The following PHF20 variants were observed in gnomAD, a reference collection of about 807,000 sequenced individuals.
PHF20 encodes the protein glioma-expressed antigen 2.
Under a neutral mutation model 113.5 loss-of-function variants are expected in PHF20, and 23 were observed. That is an observed-to-expected ratio of 0.20 (90% confidence interval 0.15 to 0.29). The LOEUF is 0.29. PHF20 is among the 10% of genes least tolerant of loss of function. The pLI is 1.00. For missense variants in PHF20, 943 were observed against 1,219.6 expected (o/e 0.77, Z 3.38); for synonymous variants, 434 against 457.3 (o/e 0.95, Z 0.65).
chr20:35,815,919 C>T (rs2042065324), intron 2 of PHF20, among the ~76,000 whole-genome samples: 1 of 152,146 alleles, frequency 6.6e-6, no homozygotes, highest in African/African-American at 2.4e-5. Flanking sequence ...TATATTCCCC[C>T]TCCAGCTTTA....
intron 6 of PHF20, among the ~76,000 whole-genome samples, chr20:35,868,907 A>G (rs777956984): frequency 9.2e-5 from 14 of 152,084 alleles, no homozygotes; most frequent in Non-Finnish European, 1.6e-4. Flanking sequence ...CCTGACCAAC[A>G]TGGGGAAACC....
intron 17 of PHF20, among the ~76,000 whole-genome samples, chr20:35,942,872 G>A (rs1277193683): frequency 1.3e-5 from 2 of 151,688 alleles, no homozygotes; most frequent in African/African-American, 4.8e-5. Flanking sequence ...TGCCCGGGCT[G>A]GAGTGCAGTG....
chr20:35,807,406 G>T (rs1286801344), intron 2 of PHF20, among the ~76,000 whole-genome samples: 1 of 139,298 alleles, frequency 7.2e-6, no homozygotes, highest in African/African-American at 2.7e-5. Flanking sequence ...AGGCTAAAGT[G>T]CAGTAGAGCG....
intron 2 of PHF20, 179 bp downstream of exon 2, chr20:35,801,784 C>G: frequency 1.9e-6 from 1 of 527,494 alleles, no homozygotes; most frequent in Non-Finnish European, 3.4e-6. Context: ...GGTGACTGTC[C>G]TGTAACCCCC....
At chr20:35,932,975 C>T (rs866365907) in intron 15 of PHF20, among the ~76,000 whole-genome samples, 1 of 152,162 alleles carries the variant, frequency 6.6e-6, no homozygotes, top group Non-Finnish European at 1.5e-5. Flanking sequence ...GCTTATTTCA[C>T]TTAGCATAGT....
intron 9 of PHF20, among the ~76,000 whole-genome samples, chr20:35,883,682 T>G (rs1411682834): frequency 6.6e-6 from 1 of 152,204 alleles, no homozygotes; most frequent in Admixed American, 6.5e-5. Context: ...GCTCAACCGA[T>G]CCACTTGCCT....
chr20:35,801,371 A>G (rs2041777960), intron 1 of PHF20, 120 bp from the exon 2 acceptor site: 2 of 567,546 alleles, frequency 3.5e-6, no homozygotes, highest in Non-Finnish European at 6.4e-6. Context: ...TGAGGACACC[A>G]ACAGGGTTTC....
At chr20:35,778,911 G>T (rs1034326461) in intron 1 of PHF20, among the ~76,000 whole-genome samples, 13 of 152,148 alleles carry the variant, frequency 8.5e-5, no homozygotes, top group African/African-American at 3.1e-4. Flanking sequence ...AGCCTAATAT[G>T]AGTGACTAAA....
chr20:35,933,393 T>C (rs2055801238), intron 15 of PHF20, among the ~76,000 whole-genome samples: 1 of 149,668 alleles, frequency 6.7e-6, no homozygotes, highest in Admixed American at 6.6e-5. Context: ...CCACCACACC[T>C]GGATAATTTT....
chr20:35,799,822 C>T (rs1397259224), intron 1 of PHF20, among the ~76,000 whole-genome samples: 3 of 152,164 alleles, frequency 2.0e-5, no homozygotes, highest in South Asian at 2.1e-4. Flanking sequence ...CGCCTGCCGC[C>T]GCGCCCCACT....
chr20:35,924,188 T>TTTTC (rs1164431346), intron 13 of PHF20, among the ~76,000 whole-genome samples: 11 of 151,324 alleles, frequency 7.3e-5, no homozygotes, highest in Non-Finnish European at 1.5e-4. Context: ...TTTTCTTTTC[T>TTTTC]TTTCTTTTTT....
chr20:35,805,666 G>A (rs549711188), intron 2 of PHF20, among the ~76,000 whole-genome samples: 90 of 151,820 alleles, frequency 5.9e-4, no homozygotes, highest in African/African-American at 2.0e-3. Flanking sequence ...TTTTAGTAGA[G>A]ATGAGGTCTC....
chr20:35,817,358 T>C (rs1358087610), intron 2 of PHF20, among the ~76,000 whole-genome samples: 1 of 152,092 alleles, frequency 6.6e-6, no homozygotes, highest in Non-Finnish European at 1.5e-5. Context: ...AGCTAATTTT[T>C]GTATTTTTAG....
At chr20:35,778,803 AAC>A (rs1469423769) in intron 1 of PHF20, among the ~76,000 whole-genome samples, 2 of 152,002 alleles carry the variant, frequency 1.3e-5, no homozygotes, top group East Asian at 3.9e-4. Flanking sequence ...ATGCTTTGAC[AAC>A]TTTGCTAGAT....
At chr20:35,941,192 C>T (rs1003328481) in intron 17 of PHF20, 145 bp downstream of exon 17, 1 of 614,698 alleles carries the variant, frequency 1.6e-6, no homozygotes, top group African/African-American at 1.9e-5. Context: ...CACCTCCATT[C>T]TCCCCTCAGG....
rs561756627 is a variant in PHF20, at chr20:35,855,500, A to T, written c.341-2802A>T. The stretch of plus-strand genomic sequence containing the variant: ...TTTTTTTTATATTTTTAATTTTTTT[A>T]AAAATTTTTAATTTTTGTGGGTACA... On this transcript the variant is annotated intron_variant, in intron 4 of 17. Transcript: ENST00000374012. 11 of 139,194 alleles carry T rather than the reference A, an allele frequency of 7.9e-5. No individual in the cohort carries two copies. In the South Asian group the frequency reaches 1.0e-3, roughly 13 times the overall value. 8.6% of individuals were successfully genotyped at this position (139,194 alleles called of 1,614,324 possible). A position where few individuals can be genotyped will look rare whatever the true frequency, so the allele number is the denominator to read the frequency against.
chr20:35,773,523 C>G (rs965899690), intron 1 of PHF20, among the ~76,000 whole-genome samples: 9 of 152,146 alleles, frequency 5.9e-5, no homozygotes, highest in African/African-American at 2.2e-4. Context: ...CTCCTCTCCT[C>G]CCAGGGAAGG....
At position 35,804,240 on chromosome 20, in the gene PHF20, T is replaced by TG. The variant is rs1336062993; in HGVS notation, c.83+2635_83+2636insG. Among the ~76,000 whole-genome samples, 232 of 141,846 alleles carry TG rather than the reference T, an allele frequency of 1.6e-3. 2 individuals are homozygous for TG. Among genetic ancestry groups the TG allele is most frequent in the African/African-American group, 6.1e-3 (227 of 37,002 alleles). The allele number at this position is 141,846 out of a possible 152,430, so 93.1% of individuals were successfully genotyped here. On this transcript the variant is annotated intron_variant, in intron 2 of 17. Coordinates refer to ENST00000374012, the MANE Select transcript of PHF20 (RefSeq NM_016436.5). ...CCAAGCTACTGTATGTTTTTTTTTT[T>TG]TTTTTTTTTTTGAGACGTAGTCTTG...
chr20:35,917,737 A>G (rs1244928016), intron 13 of PHF20, 75 bp downstream of exon 13: 1 of 1,289,388 alleles, frequency 7.8e-7, no homozygotes, highest in Non-Finnish European at 1.1e-6. Flanking sequence ...GGCCAGCAAC[A>G]ATGGCAAGTC....
Sources: gnomAD v4.1 joint callset for allele counts (sites outside exome capture counted in the v4.1 genomes callset) on GRCh38, gnomAD v4.1.1 for gene constraint, MANE v1.5 for transcripts, NCBI Gene and HGNC (gene_info 2026-07-23, HGNC 2026-07-21) for gene names.